The following CNTNAP2 variants were observed in gnomAD, a reference collection of about 807,000 sequenced individuals.
CNTNAP2 encodes contactin-associated protein-like 2.
In CNTNAP2, 98 loss-of-function variants were observed where a neutral mutation model predicts 155.2. That is an observed-to-expected ratio of 0.63 (90% CI 0.54 to 0.75). CNTNAP2 has a LOEUF of 0.75. CNTNAP2 is among the 30% of genes least tolerant of loss of function. CNTNAP2 has a pLI of 0.00. For missense variants in CNTNAP2, 1,727 were observed against 1,688.1 expected (o/e 1.02, Z -0.40); for synonymous variants, 651 against 631.2 (o/e 1.03, Z -0.47).
At chr7:147,423,464 T>C (rs1339337957) in intron 10 of CNTNAP2, among the ~76,000 whole-genome samples, 1 of 152,178 alleles carries the variant, frequency 6.6e-6, no homozygotes, top group African/African-American at 2.4e-5. Flanking sequence ...CAAAACCATT[T>C]GTCCACTGTG....
chr7:147,722,258 A>G (rs1796576942), intron 13 of CNTNAP2, among the ~76,000 whole-genome samples: 2 of 152,168 alleles, frequency 1.3e-5, no homozygotes, highest in South Asian at 4.1e-4. Flanking sequence ...CTGAGATCAC[A>G]ATTAATCTTA....
chr7:147,134,716 T>C (rs752816102), intron 8 of CNTNAP2, among the ~76,000 whole-genome samples: 9 of 151,976 alleles, frequency 5.9e-5, no homozygotes, highest in Non-Finnish European at 1.3e-4. Context: ...ATTAAATGTG[T>C]AAATAAGTTA....
intron 12 of CNTNAP2, among the ~76,000 whole-genome samples, chr7:147,585,309 T>C (rs969168088): frequency 2.6e-5 from 4 of 151,828 alleles, no homozygotes; most frequent in African/African-American, 4.8e-5. Context: ...CACTATTTAA[T>C]ATGCTGTTCT....
chr7:146,554,794 G>A (rs1198643913), intron 1 of CNTNAP2, among the ~76,000 whole-genome samples: 2 of 152,214 alleles, frequency 1.3e-5, no homozygotes, highest in East Asian at 1.9e-4. Flanking sequence ...CAGAGTCTCC[G>A]AGGTAAGGCA....
At chr7:147,784,559 T>C (rs1797709923) in intron 13 of CNTNAP2, among the ~76,000 whole-genome samples, 1 of 105,772 alleles carries the variant, frequency 9.5e-6, no homozygotes, top group East Asian at 2.9e-4. Flanking sequence ...ATGAGTTTTT[T>C]TGAGTGCAAA....
chr7:147,137,675 CATTTACATACA>C (rs1387235445), intron 8 of CNTNAP2, among the ~76,000 whole-genome samples: 1 of 151,842 alleles, frequency 6.6e-6, no homozygotes, highest in Non-Finnish European at 1.5e-5. Flanking sequence ...ATTTCAATTG[CATTTACATACA>C]AATGGAGCAT....
chr7:146,736,582 C>T (rs1801624372), intron 1 of CNTNAP2, among the ~76,000 whole-genome samples: 1 of 152,150 alleles, frequency 6.6e-6, no homozygotes, highest in African/African-American at 2.4e-5. Flanking sequence ...CTGTTAGTTG[C>T]TGCTACTAAA....
chr7:146,501,154 T>C (rs1427275764), intron 1 of CNTNAP2, among the ~76,000 whole-genome samples: 1 of 152,156 alleles, frequency 6.6e-6, no homozygotes, highest in Non-Finnish European at 1.5e-5. Flanking sequence ...TACATACATA[T>C]TAATAAGAAA....
rs186741191 is a variant in CNTNAP2, at chr7:147,168,052, T to C, written c.1348+35543T>C. Among the ~76,000 whole-genome samples the C allele has an allele frequency of 2.2e-3, 328 of 148,746 alleles. 1 individual carries two copies. The highest frequency in any genetic ancestry group is 7.1e-3 in the African/African-American group (289 of 40,844). ...TGTGTTTACATATGTATATATAAAA[T>C]GTATATAAACATATATATATTTATA... On this transcript the variant is annotated intron_variant, in intron 8 of 23. Coordinates refer to ENST00000361727, the MANE Select transcript of CNTNAP2 (RefSeq NM_014141.6).
intron 3 of CNTNAP2, among the ~76,000 whole-genome samples, chr7:147,032,369 G>A (rs1233268714): frequency 6.6e-6 from 1 of 152,152 alleles, no homozygotes; most frequent in Non-Finnish European, 1.5e-5. Flanking sequence ...GGACACTAAG[G>A]TTAAGATCAA....
intron 1 of CNTNAP2, among the ~76,000 whole-genome samples, chr7:146,171,256 A>G (rs1320184567): frequency 1.3e-5 from 2 of 152,170 alleles, no homozygotes; most frequent in Non-Finnish European, 2.9e-5. Flanking sequence ...AGAAAAAAAT[A>G]TATTTGAGAC....
intron 1 of CNTNAP2, among the ~76,000 whole-genome samples, chr7:146,760,853 C>T (rs1802085575): frequency 6.6e-6 from 1 of 152,034 alleles, no homozygotes; most frequent in African/African-American, 2.4e-5. Context: ...CATATAACTA[C>T]ACTCAATGAA....
At chr7:147,207,749 A>G (rs946470737) in intron 8 of CNTNAP2, among the ~76,000 whole-genome samples, 1 of 152,156 alleles carries the variant, frequency 6.6e-6, no homozygotes, top group African/African-American at 2.4e-5. Flanking sequence ...AGTTGTAGTT[A>G]CTTTTAAAAT....
rs555890851 is a variant in CNTNAP2 at position 147,715,416 on chromosome 7, A to G, written c.2098+76110A>G. ...ATATTTTGTTGTGGTTTCCATTTTA[A>G]TTTCTCTGATGACTAATGATGCCAA... On this transcript the variant is annotated intron_variant, in intron 13 of 23. Transcript: ENST00000361727. 3.3e-5 allele frequency among the ~76,000 whole-genome samples: 5 copies of G among 152,092 alleles called. No homozygotes were observed. In the South Asian group the frequency reaches 1.0e-3, roughly 32 times the overall value.
intron 18 of CNTNAP2, among the ~76,000 whole-genome samples, chr7:148,179,997 T>C (rs1371352483): frequency 6.6e-6 from 1 of 152,242 alleles, no homozygotes; most frequent in Non-Finnish European, 1.5e-5. Context: ...ATGCATGGTC[T>C]ACCCTTTTAG....
intron 8 of CNTNAP2, among the ~76,000 whole-genome samples, chr7:147,225,878 AGAAGGAAGGAAGGAAGGAAG>A (rs3084356): frequency 9.0e-6 from 1 of 111,576 alleles, no homozygotes; most frequent in South Asian, 3.1e-4. Flanking sequence ...AAGGAGGGAA[AGAAGGAAGGAAGGAAGGAAG>A]GAAGGAAAGA....
chr7:147,276,681 C>T (rs1030855194), intron 8 of CNTNAP2, among the ~76,000 whole-genome samples: 108 of 152,020 alleles, frequency 7.1e-4, no homozygotes, highest in Middle Eastern at 6.8e-3. Context: ...CAAAACATAC[C>T]TGTGTTTGAG....
chr7:148,044,205 A>ATT (rs55884389), intron 15 of CNTNAP2, among the ~76,000 whole-genome samples: 275 of 137,830 alleles, frequency 2.0e-3, no homozygotes, highest in African/African-American at 7.2e-3. Context: ...CTTAGGTTGT[A>ATT]TTTTTTTTTT....
intron 1 of CNTNAP2, among the ~76,000 whole-genome samples, chr7:146,533,202 A>T (rs1797796774): frequency 6.6e-6 from 1 of 151,876 alleles, no homozygotes; most frequent in Admixed American, 6.6e-5. Flanking sequence ...TTTATGAAAA[A>T]CAAATGACCA....
Sources: gnomAD v4.1 joint callset for allele counts (sites outside exome capture counted in the v4.1 genomes callset) on GRCh38, gnomAD v4.1.1 for gene constraint, MANE v1.5 for transcripts, NCBI Gene and HGNC (gene_info 2026-07-23, HGNC 2026-07-21) for gene names.